Variants in UBE2O observed in about 807,000 individuals in gnomAD.
The protein encoded by UBE2O is (E3-independent) E2 ubiquitin-conjugating enzyme.
Under a neutral mutation model 125.8 loss-of-function variants are expected in UBE2O, and 15 were observed. The ratio of observed to expected loss-of-function variants is 0.12; its 90% CI spans 0.08 to 0.18. The LOEUF is 0.18. Ranked by LOEUF, UBE2O falls within the 10% of genes least tolerant of loss-of-function variation. UBE2O has a pLI of 1.00. For synonymous variants in UBE2O, 708 were observed against 703.2 expected (o/e 1.01, Z -0.11); for missense variants, 1,280 against 1,723.6 (o/e 0.74, Z 4.56).
chr17:76,395,804 C>T lies in UBE2O; in HGVS notation c.2867G>A (p.Ser956Asn). 6.2e-7 allele frequency: 1 copy of T among 1,614,240 alleles called. No individual in the cohort carries two copies. The highest frequency in any genetic ancestry group is 8.5e-7 in the Non-Finnish European group (1 of 1,180,046). The stretch of plus-strand genomic sequence containing the variant: ...CAGCGCCATCTCCTTCCGCACTGTG[C>T]TGAAGAACTTCTTGGCTTCTGGAGG... ...FQPPEAKKFF[S>N]TVRKEMALLA... is the part of the protein sequence containing the mutation. Residue 956 changes from serine (S) to asparagine (N), a missense_variant, in exon 15 of 18, where the codon AGC becomes AAC. Ser to Asn is a conservative substitution (Grantham distance 46, BLOSUM62 1). Around this residue, in one of 10 missense-constraint regions of UBE2O, gnomAD observed 116 missense variants for 154.8 expected, o/e 0.75. Transcript: ENST00000319380. This position sits in a 1 kb window ranked among gnomAD's most constrained non-coding sequence, Gnocchi z 5.0.
chr17:76,392,723 C>G (rs549456312), intron 15 of UBE2O, among the ~76,000 whole-genome samples: 1 of 151,258 alleles, frequency 6.6e-6, no homozygotes, highest in African/African-American at 2.4e-5. Flanking sequence ...GAGGCCGAGA[C>G]GGGTGGATCA....
intron 1 of UBE2O, among the ~76,000 whole-genome samples, chr17:76,428,505 A>G (rs535561394): frequency 2.3e-4 from 35 of 152,298 alleles, no homozygotes; most frequent in African/African-American, 7.0e-4. Context: ...TATTTCATGG[A>G]TAAAATATTG....
At chr17:76,428,447 T>G (rs1303936597) in intron 1 of UBE2O, among the ~76,000 whole-genome samples, 6 of 152,260 alleles carry the variant, frequency 3.9e-5, no homozygotes. Context: ...AAGTAATGGT[T>G]TTAATTTCCG....
chr17:76,399,742 C>T lies in UBE2O; in HGVS notation c.1335G>A (p.Met445Ile). The change falls in exon 9 of 18, where the codon ATG (methionine) becomes ATA (isoleucine). Residue 445 changes from methionine (M) to isoleucine (I), a missense_variant. This residue lies in a region of UBE2O where 141 missense variants were observed against 141.3 expected (regional missense o/e 1.00). Transcript: ENST00000319380. This position sits in a 1 kb window ranked among gnomAD's most constrained non-coding sequence, Gnocchi z 6.9. ...GGGGCTCCTCTGCACCCTCGTCCTG[C>T]ATCTCCACTGGACTGGCAGAGCCAT... ...TPDGSASPVE[M>I]QDEGAEEPHE... The T allele has an allele frequency of 6.2e-7, 1 of 1,614,232 alleles. No homozygotes were observed.
At chr17:76,417,898 T>A (rs141661948) in intron 1 of UBE2O, among the ~76,000 whole-genome samples, 2 of 152,326 alleles carry the variant, frequency 1.3e-5, no homozygotes, top group Admixed American at 6.5e-5. Flanking sequence ...CCAGTCTCCA[T>A]GATGGTGCTG....
At position 76,402,831 on chromosome 17, in the gene UBE2O, T is replaced by TC; in HGVS notation, c.589-133_589-132insG. The TC allele has an allele frequency of 1.4e-6, 1 of 735,088 alleles. No individual in the cohort carries two copies. Among genetic ancestry groups the TC allele is most frequent in the Non-Finnish European group, 2.4e-6 (1 of 424,308 alleles). The allele number at this position is 735,088 out of a possible 1,614,324, so 45.5% of individuals were successfully genotyped here. ...CAGCTCACTGACTGGACCGGTTGGC[T>TC]ACTAGCCCTAAACAGCTGCTGCAGC... is the stretch of plus-strand genomic sequence containing the variant. On this transcript the variant is annotated intron_variant, in intron 3 of 17. Transcript: ENST00000319380. This position sits in a 1 kb window ranked among gnomAD's most constrained non-coding sequence, Gnocchi z 5.4.
At position 76,398,920 on chromosome 17, in the gene UBE2O, T is replaced by G. The variant is rs141373479; in HGVS notation, c.1700A>C (p.Asn567Thr). The part of the protein sequence containing the change: ...VMWQDGSVEC[N>T]IRSNDLFPVH... ...AGGGAAGAGGTCGTTGGAGCGGATG[T>G]TGCATTCCACGGAGCCATCCTGCCA... is the stretch of plus-strand genomic sequence containing the variant. The change falls in exon 10 of 18, where the codon AAC becomes ACC. Residue 567 changes from asparagine to threonine, a missense_variant. Transcript: ENST00000319380. The surrounding 1 kb of genome is among the most constrained non-coding windows in gnomAD (Gnocchi z 5.4). The G allele has an allele frequency of 2.5e-6, 4 of 1,614,116 alleles. No individual in the cohort carries two copies. Among genetic ancestry groups the G allele is most frequent in the Non-Finnish European group, 3.4e-6 (4 of 1,180,022 alleles).
At chr17:76,394,165 C>T (rs1048860604) in intron 15 of UBE2O, among the ~76,000 whole-genome samples, 7 of 152,112 alleles carry the variant, frequency 4.6e-5, no homozygotes, top group African/African-American at 1.4e-4. Context: ...AACAGCATCC[C>T]GCTTGGCTGC....
intron 5 of UBE2O, chr17:76,401,825 G>A (rs567183114): frequency 3.6e-4 from 116 of 319,786 alleles, no homozygotes; most frequent in Middle Eastern, 3.4e-3. Context: ...GCAGTGAGCC[G>A]AGATCGCACC....
intron 5 of UBE2O, 115 bp downstream of exon 5, chr17:76,401,949 G>C (rs2072333607): frequency 1.2e-6 from 1 of 855,622 alleles, no homozygotes; most frequent in South Asian, 1.9e-5. Flanking sequence ...GCGCGCACCC[G>C]CCCCTTTTCT....
At chr17:76,435,620 T>G (rs957560355) in intron 1 of UBE2O, among the ~76,000 whole-genome samples, 1 of 152,208 alleles carries the variant, frequency 6.6e-6, no homozygotes, top group African/African-American at 2.4e-5. Context: ...CTGAGCCCTC[T>G]CGAAGGTGAT....
chr17:76,400,076 C>G lies in UBE2O; in HGVS notation c.1155+71G>C, dbSNP rs528055432. ...CCCAAGGCCTAAAGCACAGACTGTC[C>G]TTCTTGGCCATGGAAATGGCTCAAG... On this transcript the variant is annotated intron_variant, in intron 8 of 17. Transcript: ENST00000319380. The surrounding 1 kb of genome is among the most constrained non-coding windows in gnomAD (Gnocchi z 4.3). 6.4e-7 allele frequency: 1 copy of G among 1,568,844 alleles called. No homozygotes were observed. The highest frequency in any genetic ancestry group is 8.7e-7 in the Non-Finnish European group (1 of 1,155,368).
rs569101514 is a variant in UBE2O at position 76,431,514 on chromosome 17, G to A, written c.417+21211C>T. 3.5e-4 allele frequency among the ~76,000 whole-genome samples: 54 copies of A among 152,128 alleles called. 1 individual carries two copies. The highest frequency in any genetic ancestry group is 1.2e-3 in the African/African-American group (51 of 41,488). On this transcript the variant is annotated intron_variant, in intron 1 of 17. Transcript: ENST00000319380. ...CAGGGTGCTCTGTCTCAAAAAAAAAGTCAACAAAACCCAGGAAATCACAAA... is the reference window on the plus strand; with the variant it reads ...CAGGGTGCTCTGTCTCAAAAAAAAAATCAACAAAACCCAGGAAATCACAAA...
chr17:76,429,083 G>C (rs1315732971), intron 1 of UBE2O, among the ~76,000 whole-genome samples: 1 of 151,728 alleles, frequency 6.6e-6, no homozygotes, highest in Non-Finnish European at 1.5e-5. Flanking sequence ...TGTATTTTTA[G>C]TAGAGACGGG....
intron 1 of UBE2O, among the ~76,000 whole-genome samples, chr17:76,443,034 T>C (rs2073098765): frequency 6.6e-6 from 1 of 152,012 alleles, no homozygotes. Flanking sequence ...CAAGCTTAGG[T>C]ATTTAGGGGT....
Position 76,391,076 on chromosome 17 carries a change from C to T in UBE2O, c.3746G>A (p.Ser1249Asn), listed in dbSNP as rs2072102933. 1.9e-6 allele frequency: 3 copies of T among 1,614,180 alleles called. No homozygotes were observed. Among genetic ancestry groups the T allele is most frequent in the Non-Finnish European group, 2.5e-6 (3 of 1,180,042 alleles). Residue 1249 changes from serine (S) to asparagine (N), a missense_variant, in exon 18 of 18, where the codon AGT becomes AAT. This residue lies in a region of UBE2O where 233 missense variants were observed against 279.0 expected (regional missense o/e 0.84). Transcript: ENST00000319380. This position sits in a 1 kb window ranked among gnomAD's most constrained non-coding sequence, Gnocchi z 8.4. ...KSYRSFLPEK[S>N]GYPDIGFPLF... ...GGGGAAGCCGATGTCAGGGTAGCCA[C>T]TCTTCTCAGGTAAGAAGCTCCGGTA...
In UBE2O at chr17:76,405,630, T is replaced by C. The variant is rs1173807303; in HGVS notation, c.418-58A>G. On this transcript the variant is annotated intron_variant, in intron 1 of 17. Coordinates refer to ENST00000319380, the MANE Select transcript of UBE2O (RefSeq NM_022066.4). This position sits in a 1 kb window ranked among gnomAD's most constrained non-coding sequence, Gnocchi z 6.1. ...ACTCTGAAGCCACCACAGAATACAG[T>C]TTTCTTCCAGCTTCTGAAGGAAAGC... is the stretch of plus-strand genomic sequence containing the variant. The C allele has an allele frequency of 5.5e-6, 8 of 1,446,172 alleles. No individual in the cohort carries two copies. The highest frequency in any genetic ancestry group is 2.4e-5 in the East Asian group (1 of 42,132). The allele number at this position is 1,446,172 out of a possible 1,614,324, so 89.6% of individuals were successfully genotyped here. A position where few individuals can be genotyped will look rare whatever the true frequency, so the allele number is the denominator to read the frequency against.
chr17:76,399,307 C>T lies in UBE2O; in HGVS notation c.1628+142G>A, dbSNP rs553171898. 43 of 882,422 alleles carry T rather than the reference C, an allele frequency of 4.9e-5. 1 individual carries two copies. The South Asian group carries it at 4.9e-4, about 10-fold the overall frequency. The allele number at this position is 882,422 out of a possible 1,614,324, so 54.7% of individuals were successfully genotyped here. The stretch of plus-strand genomic sequence containing the variant: ...CACCAGGGCCTACCCCAGGCACCTA[C>T]GTTGTCTCGGGTGGGAGCCCCGGAG... On this transcript the variant is annotated intron_variant, in intron 9 of 17. Coordinates refer to ENST00000319380, the MANE Select transcript of UBE2O (RefSeq NM_022066.4). This position sits in a 1 kb window ranked among gnomAD's most constrained non-coding sequence, Gnocchi z 6.9.
rs1016866913 is a variant in UBE2O at position 76,396,549 on chromosome 17, G to A, written c.2388C>T (p.Ala796=). 26 of 1,611,442 alleles carry A rather than the reference G, an allele frequency of 1.6e-5. No homozygotes were observed. The highest frequency in any genetic ancestry group is 1.7e-4 in the Middle Eastern group (1 of 6,058). ...CCTTGCCAGCCTTCTCCATCAGCCC[G>A]GCCATGGGGGCAGCCATGGCCACAG... The part of the protein sequence containing the change: ...QGAVAMAAPM[A]GLMEKAGKDG... Residue 796 remains alanine (A), a synonymous_variant, in exon 14 of 18, where the codon GCC becomes GCT. Coordinates refer to ENST00000319380, the MANE Select transcript of UBE2O (RefSeq NM_022066.4). The surrounding 1 kb of genome is among the most constrained non-coding windows in gnomAD (Gnocchi z 6.7).
Sources: allele counts gnomAD v4.1 joint callset (sites outside exome capture counted in the v4.1 genomes callset), GRCh38; gene constraint gnomAD v4.1.1; regional missense constraint gnomAD v4.1.1; non-coding constraint Gnocchi (gnomAD v3.1); transcripts MANE v1.5; gene names NCBI Gene and HGNC (gene_info 2026-07-23, HGNC 2026-07-21).